AGBL4: variants seen among roughly 807,000 people sequenced by gnomAD.
AGBL4 encodes cytosolic carboxypeptidase 6.
A neutral mutation model predicts 66.4 loss-of-function variants in AGBL4; 58 were observed. That is an observed-to-expected ratio of 0.87 (90% CI 0.71 to 1.09). The LOEUF (loss-of-function observed/expected upper bound fraction) is 1.09. Ranked by LOEUF, AGBL4 falls within the 50% of genes least tolerant of loss-of-function variation. AGBL4 has a pLI of 0.00. For missense variants in AGBL4, 579 were observed against 631.0 expected (o/e 0.92, Z 0.88); for synonymous variants, 234 against 222.9 (o/e 1.05, Z -0.44).
At chr1:49,956,379 T>C (rs141983189) in intron 1 of AGBL4, among the ~76,000 whole-genome samples, 1 of 151,878 alleles carries the variant, frequency 6.6e-6, no homozygotes, top group East Asian at 1.9e-4. Flanking sequence ...TCAATATTAA[T>C]AATACTGGAT....
intron 11 of AGBL4, among the ~76,000 whole-genome samples, chr1:48,560,060 A>G (rs1231089540): frequency 6.6e-6 from 1 of 152,076 alleles, no homozygotes; most frequent in Non-Finnish European, 1.5e-5. Context: ...TCCTCCATGA[A>G]ATCTTTGAAA....
At chr1:48,862,560 A>C (rs920421587) in intron 6 of AGBL4, among the ~76,000 whole-genome samples, 4 of 152,104 alleles carry the variant, frequency 2.6e-5, no homozygotes, top group African/African-American at 4.8e-5. Flanking sequence ...TGACCTCGTG[A>C]TCTGCCTGCC....
At chr1:49,679,392 T>C (rs1646645059) in intron 3 of AGBL4, among the ~76,000 whole-genome samples, 1 of 152,156 alleles carries the variant, frequency 6.6e-6, no homozygotes, top group South Asian at 2.1e-4. Context: ...TGTGTGTATG[T>C]TTGCATGTGT....
chr1:49,226,382 AT>A (rs1159055786), intron 4 of AGBL4, among the ~76,000 whole-genome samples: 1 of 152,244 alleles, frequency 6.6e-6, no homozygotes, highest in Admixed American at 6.5e-5. Flanking sequence ...AATATTGAAT[AT>A]TTAATGATCT....
Position 49,768,391 on chromosome 1 carries a change from G to T in AGBL4, c.158-70954C>A, listed in dbSNP as rs541411763. Among the ~76,000 whole-genome samples, 11 of 152,276 alleles carry T rather than the reference G, an allele frequency of 7.2e-5. No individual in the cohort carries two copies. In the South Asian group the frequency reaches 2.3e-3, roughly 32 times the overall value. On this transcript the variant is annotated intron_variant, in intron 2 of 13. Coordinates refer to ENST00000371839, the MANE Select transcript of AGBL4 (RefSeq NM_032785.4). ...TCAACATATCCAAATCAATAAATGT[G>T]ATTCGCCACATAAACAGAATTAAAA...
At chr1:49,823,787 T>TGTGTGTGA (rs1645432530) in intron 2 of AGBL4, among the ~76,000 whole-genome samples, 1 of 151,740 alleles carries the variant, frequency 6.6e-6, no homozygotes, top group South Asian at 2.1e-4. Context: ...AATGTGTGTG[T>TGTGTGTGA]GTGTGTGTGT....
At chr1:49,560,390 T>C (rs190668816) in intron 3 of AGBL4, among the ~76,000 whole-genome samples, 1 of 151,812 alleles carries the variant, frequency 6.6e-6, no homozygotes, top group Admixed American at 6.6e-5. Context: ...AAGAAAAAAT[T>C]AGTGAGCCTG....
chr1:49,738,365 C>G (rs1481720835), intron 2 of AGBL4, among the ~76,000 whole-genome samples: 1 of 152,202 alleles, frequency 6.6e-6, no homozygotes, highest in Admixed American at 6.5e-5. Flanking sequence ...GGGAGGGGCG[C>G]TCACCATTGC....
intron 2 of AGBL4, among the ~76,000 whole-genome samples, chr1:49,806,458 A>T (rs554459665): frequency 1.3e-5 from 2 of 152,312 alleles, no homozygotes; most frequent in African/African-American, 4.8e-5. Context: ...AAAGTGTTGA[A>T]GGTGCAACTT....
At chr1:49,974,398 G>T (rs778758585) in intron 1 of AGBL4, among the ~76,000 whole-genome samples, 2 of 152,090 alleles carry the variant, frequency 1.3e-5, no homozygotes, top group Non-Finnish European at 1.5e-5. Context: ...TTATAACTTA[G>T]ACAAAGCCAT....
chr1:49,108,443 G>A (rs1645340541), intron 4 of AGBL4, among the ~76,000 whole-genome samples: 1 of 152,122 alleles, frequency 6.6e-6, no homozygotes, highest in East Asian at 1.9e-4. Context: ...GGAAAGGTGG[G>A]GGAATCTCTG....
chr1:49,582,484 GCC>G (rs1390900384), intron 3 of AGBL4, among the ~76,000 whole-genome samples: 2 of 152,132 alleles, frequency 1.3e-5, no homozygotes, highest in African/African-American at 4.8e-5. Flanking sequence ...AAGAGCACCT[GCC>G]CAGCTCAGGA....
At chr1:48,995,219 GT>G (rs1011763210) in intron 5 of AGBL4, among the ~76,000 whole-genome samples, 1 of 152,122 alleles carries the variant, frequency 6.6e-6, no homozygotes, top group Non-Finnish European at 1.5e-5. Flanking sequence ...GCAAATTTCA[GT>G]TTCAGTTTAT....
At chr1:49,874,635 T>C (rs1440163998) in intron 1 of AGBL4, among the ~76,000 whole-genome samples, 1 of 152,110 alleles carries the variant, frequency 6.6e-6, no homozygotes, top group East Asian at 1.9e-4. Context: ...TAGATGCAAA[T>C]GCTCTTAATC....
At chr1:49,682,135 C>T (rs571526167) in intron 3 of AGBL4, among the ~76,000 whole-genome samples, 5 of 152,178 alleles carry the variant, frequency 3.3e-5, no homozygotes, top group African/African-American at 7.2e-5. Context: ...AGGTGGGGCA[C>T]GGTGGCTCAT....
intron 2 of AGBL4, among the ~76,000 whole-genome samples, chr1:49,819,667 T>C (rs1269589151): frequency 6.6e-6 from 1 of 152,200 alleles, no homozygotes; most frequent in Non-Finnish European, 1.5e-5. Context: ...ACATTCTATT[T>C]TTTCCAACAC....
intron 11 of AGBL4, among the ~76,000 whole-genome samples, chr1:48,566,394 G>A (rs1305698520): frequency 6.6e-6 from 1 of 152,180 alleles, no homozygotes; most frequent in East Asian, 1.9e-4. Flanking sequence ...TTGTTAAACT[G>A]GGCTAAATGC....
chr1:49,327,828 T>A (rs1645255764), intron 3 of AGBL4, among the ~76,000 whole-genome samples: 1 of 152,178 alleles, frequency 6.6e-6, no homozygotes, highest in Admixed American at 6.5e-5. Context: ...AAACAGTGGT[T>A]AAAACTGAAT....
chr1:49,585,518 A>C (rs1257473807), intron 3 of AGBL4, among the ~76,000 whole-genome samples: 1 of 152,080 alleles, frequency 6.6e-6, no homozygotes, highest in African/African-American at 2.4e-5. Context: ...TCAATCCTAT[A>C]AAAGGTTGTT....
Sources: allele counts gnomAD v4.1 joint callset (sites outside exome capture counted in the v4.1 genomes callset), GRCh38; gene constraint gnomAD v4.1.1; transcripts MANE v1.5; gene names NCBI Gene and HGNC (gene_info 2026-07-23, HGNC 2026-07-21).